PRKCI: variants seen among roughly 807,000 people sequenced by gnomAD.
The protein encoded by PRKCI is protein kinase C iota.
In PRKCI, 43 loss-of-function variants were observed where a neutral mutation model predicts 84.0. The observed-to-expected ratio is 0.51, with a 90% CI of 0.40 to 0.66. The LOEUF (loss-of-function observed/expected upper bound fraction) is 0.66. PRKCI is among the 30% of genes least tolerant of loss of function. The probability of loss-of-function intolerance (pLI) is 0.00; values close to 1 mark genes in which losing one functional copy is unlikely to be tolerated. For missense variants in PRKCI, 459 were observed against 745.6 expected (o/e 0.62, Z 4.48); for synonymous variants, 216 against 234.4 (o/e 0.92, Z 0.72).
At chr3:170,238,389 G>A (rs1485473339) in intron 2 of PRKCI, among the ~76,000 whole-genome samples, 3 of 150,228 alleles carry the variant, frequency 2.0e-5, no homozygotes, top group Non-Finnish European at 3.0e-5. Flanking sequence ...TATACAAATC[G>A]TTATGCAGTG....
intron 4 of PRKCI, among the ~76,000 whole-genome samples, chr3:170,265,962 T>C (rs55714259): frequency 0.032 from 4,796 of 152,222 alleles, 102 homozygotes; most frequent in Non-Finnish European, 0.045. Flanking sequence ...AGATTTCTAA[T>C]TGAGAGCATT....
chr3:170,288,714 T>G (rs1259907659), intron 12 of PRKCI, among the ~76,000 whole-genome samples: 5 of 152,014 alleles, frequency 3.3e-5, no homozygotes, highest in African/African-American at 4.8e-5. Flanking sequence ...ATCACACCAC[T>G]GCACTGCACT....
At chr3:170,273,612 C>T (rs1447703936) in intron 7 of PRKCI, among the ~76,000 whole-genome samples, 2 of 151,426 alleles carry the variant, frequency 1.3e-5, no homozygotes, top group Admixed American at 6.6e-5. Context: ...GTCAGGAGTT[C>T]GAGACCAGCC....
intron 11 of PRKCI, among the ~76,000 whole-genome samples, chr3:170,283,081 G>T (rs533458351): frequency 2.6e-5 from 4 of 151,776 alleles, no homozygotes; most frequent in Admixed American, 1.3e-4. Flanking sequence ...CTCCAGCCTG[G>T]GTGAAAGAGC....
chr3:170,275,833 G>A (rs1439950694), intron 8 of PRKCI, among the ~76,000 whole-genome samples: 5 of 151,444 alleles, frequency 3.3e-5, no homozygotes, highest in Admixed American at 2.6e-4. Flanking sequence ...TTCTAGTTAT[G>A]TCCATAATAT....
intron 15 of PRKCI, among the ~76,000 whole-genome samples, chr3:170,296,269 G>A (rs1365229723): frequency 6.6e-6 from 1 of 152,098 alleles, no homozygotes; most frequent in African/African-American, 2.4e-5. Flanking sequence ...TCTCACATAG[G>A]GGAAGAGTTA....
At chr3:170,238,322 C>T (rs145146008) in intron 2 of PRKCI, among the ~76,000 whole-genome samples, 6 of 151,400 alleles carry the variant, frequency 4.0e-5, no homozygotes, top group Admixed American at 6.6e-5. Context: ...GAGATTGTGT[C>T]GTTGTACTCC....
At chr3:170,238,495 C>T (rs76384976) in intron 2 of PRKCI, among the ~76,000 whole-genome samples, 2,908 of 149,164 alleles carry the variant, frequency 0.019, 45 homozygotes, top group East Asian at 0.085. Flanking sequence ...CATAGTATTA[C>T]ATATTATAGA....
At chr3:170,262,769 G>T (rs569531402) in intron 3 of PRKCI, among the ~76,000 whole-genome samples, 2 of 151,462 alleles carry the variant, frequency 1.3e-5, no homozygotes, top group African/African-American at 2.4e-5. Context: ...GTAAGCCAAC[G>T]TGCCCAGCCT....
intron 1 of PRKCI, among the ~76,000 whole-genome samples, chr3:170,228,202 A>T (rs770463058): frequency 2.3e-4 from 35 of 152,174 alleles, no homozygotes; most frequent in Non-Finnish European, 7.3e-5. Context: ...CAGCTAACCT[A>T]TGTAGGAATG....
chr3:170,234,813 T>G (rs1172836026), intron 1 of PRKCI, among the ~76,000 whole-genome samples: 1 of 152,222 alleles, frequency 6.6e-6, no homozygotes, highest in Non-Finnish European at 1.5e-5. Flanking sequence ...TTTGTTTTTA[T>G]TTATTTTTTT....
At chr3:170,285,539 C>A (rs914618498) in intron 12 of PRKCI, among the ~76,000 whole-genome samples, 2 of 152,106 alleles carry the variant, frequency 1.3e-5, no homozygotes, top group African/African-American at 4.8e-5. Context: ...GAATTGCATT[C>A]CCTGTTCACC....
chr3:170,274,090 G>A (rs1734058832), intron 7 of PRKCI, among the ~76,000 whole-genome samples: 1 of 152,080 alleles, frequency 6.6e-6, no homozygotes, highest in African/African-American at 2.4e-5. Context: ...AAAAACATGA[G>A]GCTGATTTTG....
intron 12 of PRKCI, among the ~76,000 whole-genome samples, chr3:170,285,743 ATTG>A (rs1734366629): frequency 6.7e-6 from 1 of 149,616 alleles, no homozygotes; most frequent in South Asian, 2.1e-4. Flanking sequence ...TTAATTAATT[ATTG>A]TTGTTTTTTT....
chr3:170,250,400 T>C (rs899889057), intron 2 of PRKCI, among the ~76,000 whole-genome samples: 5 of 148,106 alleles, frequency 3.4e-5, no homozygotes, highest in Non-Finnish European at 5.9e-5. Flanking sequence ...GCAGCTGTTA[T>C]CACCATCAAT....
intron 2 of PRKCI, among the ~76,000 whole-genome samples, chr3:170,247,760 A>AT (rs1560170549): frequency 3.5e-5 from 5 of 144,480 alleles, no homozygotes; most frequent in African/African-American, 7.8e-5. Context: ...AAAAAAAAAA[A>AT]GTTGAGGATG....
At chr3:170,265,197 A>G (rs1170583195) in intron 4 of PRKCI, among the ~76,000 whole-genome samples, 4 of 152,080 alleles carry the variant, frequency 2.6e-5, no homozygotes, top group Admixed American at 1.3e-4. Flanking sequence ...TCAAAAAAAA[A>G]AAAAAGAAAA....
Position 170,305,035 on chromosome 3 carries a change from A to T in PRKCI, c.*1908A>T, listed in dbSNP as rs746503090. Reference sequence around the variant, plus strand: ...CAAAGGAAAATGTTTATATACATCCACATGTTTATTTAATATGTTTCTCTT... The same window carrying T: ...CAAAGGAAAATGTTTATATACATCCTCATGTTTATTTAATATGTTTCTCTT... On this transcript the variant is annotated 3_prime_UTR_variant, in exon 18 of 18. Coordinates refer to ENST00000295797, the MANE Select transcript of PRKCI (RefSeq NM_002740.6). 3 of 152,228 alleles carry T rather than the reference A, an allele frequency of 2.0e-5. No individual in the cohort carries two copies. The highest frequency in any genetic ancestry group is 4.4e-5 in the Non-Finnish European group (3 of 68,030). 9.4% of individuals were successfully genotyped at this position (152,228 alleles called of 1,614,324 possible). A position where few individuals can be genotyped will look rare whatever the true frequency, so the allele number is the denominator to read the frequency against.
At position 170,271,607 on chromosome 3, in the gene PRKCI, A is replaced by G. The variant is rs530159266; in HGVS notation, c.591+1046A>G. On this transcript the variant is annotated intron_variant, in intron 6 of 17. Coordinates refer to ENST00000295797, the MANE Select transcript of PRKCI (RefSeq NM_002740.6). ...TTTTTTCCTTACAATTTAATTGTAA[A>G]AGAAACAGTTATTTGTCATTTACAC... is the stretch of plus-strand genomic sequence containing the variant. 1.1e-4 allele frequency among the ~76,000 whole-genome samples: 17 copies of G among 152,228 alleles called. No individual in the cohort carries two copies. The South Asian group carries it at 3.5e-3, about 32-fold the overall frequency.
Sources: gnomAD v4.1 joint callset for allele counts (sites outside exome capture counted in the v4.1 genomes callset) on GRCh38, gnomAD v4.1.1 for gene constraint, MANE v1.5 for transcripts, NCBI Gene and HGNC (gene_info 2026-07-23, HGNC 2026-07-21) for gene names.